The following AHI1 variants were observed in gnomAD, a reference collection of about 807,000 sequenced individuals.
AHI1 encodes the protein Abelson helper integration site 1.
AHI1 carries 123 observed loss-of-function variants against 149.3 expected under a neutral mutation model. The ratio of observed to expected loss-of-function variants is 0.82; its 90% CI spans 0.71 to 0.96. The LOEUF is 0.96. AHI1 is among the 40% of genes least tolerant of loss of function. The probability of loss-of-function intolerance (pLI) is 0.00; values close to 1 mark genes in which losing one functional copy is unlikely to be tolerated. For synonymous variants in AHI1, 475 were observed against 459.8 expected (o/e 1.03, Z -0.42); for missense variants, 1,439 against 1,422.7 (o/e 1.01, Z -0.18).
At chr6:135,301,939 A>G (rs772804760) in intron 26 of AHI1, 390 of 985,260 alleles carry the variant, frequency 4.0e-4, no homozygotes, top group Non-Finnish European at 4.6e-4. Context: ...TTCTTTCCAG[A>G]CTTGTGAAAT....
intron 5 of AHI1, among the ~76,000 whole-genome samples, chr6:135,472,845 A>G (rs140837289): frequency 2.0e-5 from 3 of 152,158 alleles, no homozygotes; most frequent in African/African-American, 4.8e-5. Context: ...GTTTGTTTTC[A>G]TATCAGTGAG....
intron 24 of AHI1, among the ~76,000 whole-genome samples, chr6:135,329,172 TA>T (rs1247572402): frequency 6.6e-6 from 1 of 152,232 alleles, no homozygotes; most frequent in East Asian, 1.9e-4. Context: ...GTAAGATCAC[TA>T]ATGAAGGTGG....
intron 3 of AHI1, 79 bp downstream of exon 3, chr6:135,495,735 A>G (rs1295481250): frequency 6.6e-6 from 1 of 152,282 alleles, no homozygotes; most frequent in Non-Finnish European, 1.5e-5. Flanking sequence ...GAGGAGAAGA[A>G]GAGAGAAGCG....
At chr6:135,404,684 T>C (rs1780505512) in intron 22 of AHI1, among the ~76,000 whole-genome samples, 1 of 152,230 alleles carries the variant, frequency 6.6e-6, no homozygotes, top group Admixed American at 6.5e-5. Context: ...GAGAATGACA[T>C]GACCTTGTTG....
intron 24 of AHI1, among the ~76,000 whole-genome samples, chr6:135,332,491 T>A (rs1426494778): frequency 1.3e-5 from 2 of 152,200 alleles, no homozygotes; most frequent in Non-Finnish European, 2.9e-5. Flanking sequence ...GAATATTGAA[T>A]AAAAATTACA....
At chr6:135,390,150 T>C (rs1242498048) in intron 23 of AHI1, among the ~76,000 whole-genome samples, 2 of 152,176 alleles carry the variant, frequency 1.3e-5, no homozygotes, top group Non-Finnish European at 2.9e-5. Context: ...TAGTAGGGAC[T>C]CTTGAGATGG....
In AHI1 at chr6:135,304,702, C is replaced by T. The variant is rs908564201; in HGVS notation, c.3427-4144G>A. On this transcript the variant is annotated intron_variant, in intron 26 of 28. Coordinates refer to ENST00000265602, the MANE Select transcript of AHI1 (RefSeq NM_001134831.2). ...AGGAGAATTGCTTGAACCCAGGAGG[C>T]GGAGGTTGCAGTGAGTCAAGATTGT... is the stretch of plus-strand genomic sequence containing the variant. Among the ~76,000 whole-genome samples the T allele has an allele frequency of 5.9e-5, 9 of 152,082 alleles. No individual in the cohort carries two copies. The South Asian group carries it at 1.0e-3, about 18-fold the overall frequency.
At chr6:135,430,961 C>T (rs996379430) in intron 17 of AHI1, among the ~76,000 whole-genome samples, 3 of 151,898 alleles carry the variant, frequency 2.0e-5, no homozygotes, top group Non-Finnish European at 4.4e-5. Flanking sequence ...TTACTGAATG[C>T]CACAGTGCAA....
intron 20 of AHI1, among the ~76,000 whole-genome samples, chr6:135,422,606 CAA>C (rs892080447): frequency 2.0e-5 from 3 of 147,488 alleles, no homozygotes; most frequent in Non-Finnish European, 4.5e-5. Flanking sequence ...TGTTACTCCT[CAA>C]AGTTTTATTT....
intron 14 of AHI1, among the ~76,000 whole-genome samples, chr6:135,439,870 T>C (rs1190823534): frequency 6.6e-6 from 1 of 152,180 alleles, no homozygotes. Context: ...GGGACTACTG[T>C]ACTTGTGGAA....
At chr6:135,298,008 T>A (rs553979116) in intron 27 of AHI1, among the ~76,000 whole-genome samples, 2 of 152,146 alleles carry the variant, frequency 1.3e-5, no homozygotes, top group Admixed American at 6.5e-5. Flanking sequence ...AAGCTGTTAA[T>A]GAAATAAAGG....
At chr6:135,326,404 G>A (rs879594431) in intron 24 of AHI1, among the ~76,000 whole-genome samples, 9 of 152,100 alleles carry the variant, frequency 5.9e-5, no homozygotes, top group Non-Finnish European at 1.3e-4. Context: ...CCAGAATTGT[G>A]AGAAAATAAA....
At chr6:135,480,983 C>G (rs1023211494) in intron 5 of AHI1, among the ~76,000 whole-genome samples, 1 of 152,202 alleles carries the variant, frequency 6.6e-6, no homozygotes, top group Non-Finnish European at 1.5e-5. Flanking sequence ...CCATCCCCCC[C>G]GGCCCACTCC....
At chr6:135,362,169 C>G (rs1562578900) in intron 23 of AHI1, among the ~76,000 whole-genome samples, 1 of 151,924 alleles carries the variant, frequency 6.6e-6, no homozygotes, top group Non-Finnish European at 1.5e-5. Context: ...GGTGTATATA[C>G]ACATATATAT....
chr6:135,302,614 AGTT>A (rs3833484), intron 26 of AHI1: 379,838 of 1,139,932 alleles, frequency 0.33, 66,168 homozygotes, highest in East Asian at 0.37. Context: ...ATGAATCCTA[AGTT>A]AGAAGGGGGT....
At chr6:135,394,736 G>C (rs1778982229) in intron 23 of AHI1, 40 bp downstream of exon 23, 2 of 1,604,716 alleles carry the variant, frequency 1.2e-6, no homozygotes, top group African/African-American at 2.7e-5. Flanking sequence ...ACAAGCATCT[G>C]AACATTTAAA....
intron 26 of AHI1, chr6:135,301,971 A>T (rs1783936020): frequency 1.0e-6 from 1 of 984,934 alleles, no homozygotes; most frequent in East Asian, 1.1e-4. Flanking sequence ...ACAGCAGTCA[A>T]ATTAAATGTG....
intron 26 of AHI1, among the ~76,000 whole-genome samples, chr6:135,313,504 T>A (rs1785499079): frequency 6.6e-6 from 1 of 152,210 alleles, no homozygotes; most frequent in African/African-American, 2.4e-5. Context: ...TCAGTGGGAT[T>A]AGCCTGAAGT....
chr6:135,363,582 T>C (rs1794278011), intron 23 of AHI1, among the ~76,000 whole-genome samples: 1 of 151,250 alleles, frequency 6.6e-6, no homozygotes, highest in Admixed American at 6.6e-5. Context: ...CCAGACGGGG[T>C]GGTGGCCGGG....
Sources: allele counts gnomAD v4.1 joint callset (sites outside exome capture counted in the v4.1 genomes callset), GRCh38; gene constraint gnomAD v4.1.1; transcripts MANE v1.5; gene names NCBI Gene and HGNC (gene_info 2026-07-23, HGNC 2026-07-21).